The following INTS4 variants were observed in gnomAD, a reference collection of about 807,000 sequenced individuals.
The protein encoded by INTS4 is integrator complex subunit 4, also known as MSTP093.
Under a neutral mutation model 119.5 loss-of-function variants are expected in INTS4, and 70 were observed. The observed-to-expected ratio is 0.59, with a 90% CI of 0.48 to 0.71. The LOEUF is 0.71. Ranked by LOEUF, INTS4 falls within the 30% of genes least tolerant of loss-of-function variation. The pLI, the probability that INTS4 is intolerant of heterozygous loss-of-function variation, is 0.00. For missense variants in INTS4, 867 were observed against 1,173.2 expected (o/e 0.74, Z 3.81); for synonymous variants, 316 against 419.6 (o/e 0.75, Z 3.02).
At chr11:77,896,854 C>T (rs1952546711) in intron 18 of INTS4, among the ~76,000 whole-genome samples, 2 of 148,984 alleles carry the variant, frequency 1.3e-5, no homozygotes, top group African/African-American at 4.9e-5. Context: ...CTTCAAACTC[C>T]CACCGAAGAT....
chr11:77,879,166 A>G (rs780610303), intron 22 of INTS4, 39 bp from the exon 23 acceptor site: 2 of 1,605,702 alleles, frequency 1.2e-6, no homozygotes, highest in Middle Eastern at 1.7e-4. Context: ...TAACTAGGCA[A>G]CTGCTAGGAA....
intron 15 of INTS4, among the ~76,000 whole-genome samples, chr11:77,910,679 CAATTAAATTA>C: frequency 6.6e-6 from 1 of 152,162 alleles, no homozygotes; most frequent in African/African-American, 2.4e-5. Context: ...AAAGGATATA[CAATTAAATTA>C]AATTAAATTA....
chr11:77,905,458 C>CAA (rs1413115767), intron 16 of INTS4, among the ~76,000 whole-genome samples: 5 of 116,386 alleles, frequency 4.3e-5, no homozygotes, highest in African/African-American at 1.3e-4. Context: ...GACTCTGTCT[C>CAA]AAAAAAAAAA....
At chr11:77,975,765 G>C (rs1429929705) in intron 4 of INTS4, among the ~76,000 whole-genome samples, 2 of 152,012 alleles carry the variant, frequency 1.3e-5, no homozygotes, top group Admixed American at 1.3e-4. Context: ...AGACCATCCT[G>C]GCTAACATGG....
At chr11:77,991,921 CG>C (rs902014819) in intron 1 of INTS4, among the ~76,000 whole-genome samples, 1 of 151,684 alleles carries the variant, frequency 6.6e-6, no homozygotes, top group African/African-American at 2.4e-5. Context: ...CCACCTACTA[CG>C]TTCAAGCGAT....
chr11:77,938,873 A>G (rs1953863792), intron 9 of INTS4, 48 bp from the exon 10 acceptor site: 31 of 1,370,810 alleles, frequency 2.3e-5, no homozygotes, highest in Non-Finnish European at 3.0e-5. Context: ...TCATGAAGGA[A>G]CACTAAGATG....
rs112469917 is a variant in INTS4, at chr11:77,934,419, G to A, written c.1165+4232C>T. 1.9e-3 allele frequency among the ~76,000 whole-genome samples: 279 copies of A among 146,182 alleles called. 1 individual carries two copies. The highest frequency in any genetic ancestry group is 6.1e-3 in the African/African-American group (242 of 39,508). On this transcript the variant is annotated intron_variant, in intron 10 of 22. Transcript: ENST00000534064. Reference sequence around the variant, plus strand: ...TAAAAAAAAAAAAAAAAAGAATGATGCAAATGCCTAGATCTGCACATTTCT... The same window carrying A: ...TAAAAAAAAAAAAAAAAAGAATGATACAAATGCCTAGATCTGCACATTTCT...
At chr11:77,968,608 C>A (rs1022263399) in intron 4 of INTS4, among the ~76,000 whole-genome samples, 2 of 152,098 alleles carry the variant, frequency 1.3e-5, no homozygotes, top group African/African-American at 4.8e-5. Context: ...ATACTTAATG[C>A]CACTAAACAA....
intron 2 of INTS4, among the ~76,000 whole-genome samples, chr11:77,989,912 G>C (rs936974267): frequency 1.1e-4 from 16 of 151,872 alleles, no homozygotes; most frequent in South Asian, 4.2e-4. Context: ...AATAATAATA[G>C]TAATAATAAT....
Position 77,956,011 on chromosome 11 carries a change from C to T in INTS4, c.849G>A (p.Ala283=), listed in dbSNP as rs773483938. The T allele has an allele frequency of 5.6e-6, 9 of 1,610,764 alleles. No homozygotes were observed. The African/African-American group carries it at 6.7e-5, about 12-fold the overall frequency. ...SNEEIRLVDD[A]FGKICHMVSD... ...TGACCATGTGACAAATTTTGCCAAA[C>T]GCATCATCAACTAAGCGTATTTCTT... Residue 283 remains alanine, a synonymous_variant, in exon 8 of 23, where the codon GCG becomes GCA. Coordinates refer to ENST00000534064, the MANE Select transcript of INTS4 (RefSeq NM_033547.4).
At chr11:77,991,375 C>A in intron 1 of INTS4, 76 bp from the exon 2 acceptor site, 1 of 1,132,296 alleles carries the variant, frequency 8.8e-7, no homozygotes, top group Non-Finnish European at 1.3e-6. Context: ...AATGATTTTC[C>A]ATTATACCAA....
intron 4 of INTS4, among the ~76,000 whole-genome samples, chr11:77,973,896 A>C (rs1855834850): frequency 6.6e-6 from 1 of 152,176 alleles, no homozygotes; most frequent in Non-Finnish European, 1.5e-5. Flanking sequence ...ACTGGTCTGC[A>C]GTTTTCGTTT....
At chr11:77,941,457 G>GT (rs1953927117) in intron 8 of INTS4, among the ~76,000 whole-genome samples, 1 of 76,800 alleles carries the variant, frequency 1.3e-5, no homozygotes. Flanking sequence ...CACCTACTGT[G>GT]CTTTTTTTTT....
chr11:77,922,716 T>A (rs1328162245), intron 12 of INTS4: 4 of 497,988 alleles, frequency 8.0e-6, no homozygotes, highest in African/African-American at 4.0e-5. Context: ...TCCCCCATCT[T>A]TCTTCCTGAG....
intron 8 of INTS4, among the ~76,000 whole-genome samples, chr11:77,943,490 G>C (rs1953977246): frequency 6.6e-6 from 1 of 152,126 alleles, no homozygotes; most frequent in South Asian, 2.1e-4. Context: ...AAATTCCTCT[G>C]GTTCATGACT....
At chr11:77,963,120 A>T (rs1855321890) in intron 4 of INTS4, among the ~76,000 whole-genome samples, 1 of 152,154 alleles carries the variant, frequency 6.6e-6, no homozygotes, top group South Asian at 2.1e-4. Context: ...TGTTACAAAC[A>T]CTTTGATTTT....
chr11:77,879,685 T>G (rs567831013), intron 22 of INTS4, among the ~76,000 whole-genome samples: 1 of 152,180 alleles, frequency 6.6e-6, no homozygotes, highest in African/African-American at 2.4e-5. Context: ...TCTTACGATA[T>G]AATCATCTAG....
intron 18 of INTS4, among the ~76,000 whole-genome samples, chr11:77,896,707 T>C (rs1450947116): frequency 8.5e-6 from 1 of 118,202 alleles, no homozygotes; most frequent in Non-Finnish European, 1.9e-5. Context: ...AACAAAGAAA[T>C]TGAAATTACA....
chr11:77,882,762 C>G (rs1326827139), intron 22 of INTS4, among the ~76,000 whole-genome samples: 1 of 152,132 alleles, frequency 6.6e-6, no homozygotes, highest in African/African-American at 2.4e-5. Flanking sequence ...CCATCTAACA[C>G]CCTGACAGAG....
Sources: allele counts gnomAD v4.1 joint callset (sites outside exome capture counted in the v4.1 genomes callset), GRCh38; gene constraint gnomAD v4.1.1; transcripts MANE v1.5; gene names NCBI Gene and HGNC (gene_info 2026-07-23, HGNC 2026-07-21).